The following MYO16 variants were observed in gnomAD, a reference collection of about 807,000 sequenced individuals.
MYO16 encodes the protein myosin XVI, also known as unconventional myosin-XVI.
A neutral mutation model predicts 205.3 loss-of-function variants in MYO16; 94 were observed. That is an observed-to-expected ratio of 0.46 (90% CI 0.39 to 0.54). The LOEUF (loss-of-function observed/expected upper bound fraction) is 0.54, where lower values mean the gene tolerates loss of function less well. Among genes scored for constraint, MYO16 ranks in the 20% least tolerant of loss-of-function variants. MYO16 has a pLI of 0.00. For missense variants in MYO16, 2,315 were observed against 2,387.5 expected (o/e 0.97, Z 0.63); for synonymous variants, 988 against 954.0 (o/e 1.04, Z -0.66).
chr13:109,129,404 C>T (rs903051016), intron 31 of MYO16, among the ~76,000 whole-genome samples: 3 of 152,000 alleles, frequency 2.0e-5, no homozygotes, highest in East Asian at 1.9e-4. Context: ...TGGACATTGA[C>T]GTGGGCTTAG....
chr13:108,994,532 G>C (rs1884941500), intron 21 of MYO16, among the ~76,000 whole-genome samples: 1 of 152,070 alleles, frequency 6.6e-6, no homozygotes, highest in South Asian at 2.1e-4. Flanking sequence ...ATACATTTTA[G>C]ATTTCTGTGT....
intron 1 of MYO16, among the ~76,000 whole-genome samples, chr13:108,654,078 A>G (rs1881134692): frequency 6.9e-6 from 1 of 145,090 alleles, no homozygotes; most frequent in African/African-American, 2.6e-5. Context: ...TAGGTCTCTC[A>G]GTGACTATGG....
chr13:108,538,961 T>C, the MYO16 span, among the ~76,000 whole-genome samples: 6 of 152,202 alleles, frequency 3.9e-5, no homozygotes, highest in East Asian at 7.7e-4. Flanking sequence ...CCCAACTGAA[T>C]AGTGTGTACC....
At chr13:109,072,370 T>A (rs12859091) in intron 27 of MYO16, among the ~76,000 whole-genome samples, 12,828 of 152,224 alleles carry the variant, frequency 0.084, 586 homozygotes, top group African/African-American at 0.11. Flanking sequence ...CTTATCTAGA[T>A]GCAAGCTGAG....
At chr13:108,949,099 G>A (rs1883045943) in intron 16 of MYO16, among the ~76,000 whole-genome samples, 1 of 152,170 alleles carries the variant, frequency 6.6e-6, no homozygotes, top group South Asian at 2.1e-4. Flanking sequence ...CTTGTCCAAA[G>A]CACAAGTCGA....
chr13:109,025,236 A>T (rs1456955619), intron 23 of MYO16, among the ~76,000 whole-genome samples: 1 of 152,186 alleles, frequency 6.6e-6, no homozygotes, highest in Non-Finnish European at 1.5e-5. Context: ...ATTGGCATCC[A>T]GCCCCACCTG....
At chr13:108,774,109 C>T (rs915893974) in intron 4 of MYO16, among the ~76,000 whole-genome samples, 11 of 151,652 alleles carry the variant, frequency 7.3e-5, no homozygotes, top group African/African-American at 2.4e-4. Flanking sequence ...AAATAAATAA[C>T]AATAAAATAA....
chr13:108,865,314 C>A (rs1159558687), intron 11 of MYO16, among the ~76,000 whole-genome samples: 1 of 152,006 alleles, frequency 6.6e-6, no homozygotes, highest in African/African-American at 2.4e-5. Context: ...TATGTTATTT[C>A]TTTATATATG....
At chr13:108,703,904 T>C (rs907013409) in intron 2 of MYO16, among the ~76,000 whole-genome samples, 3 of 152,110 alleles carry the variant, frequency 2.0e-5, no homozygotes, top group African/African-American at 7.2e-5. Context: ...AGGAGGCCAA[T>C]AAGTTAAAAA....
intron 2 of MYO16, among the ~76,000 whole-genome samples, chr13:108,698,225 G>T (rs977957857): frequency 8.5e-5 from 13 of 152,138 alleles, no homozygotes; most frequent in Non-Finnish European, 1.6e-4. Context: ...CCACTCAGTG[G>T]TATTCAGAGA....
intron 4 of MYO16, among the ~76,000 whole-genome samples, chr13:108,763,967 G>A (rs951472879): frequency 6.6e-6 from 1 of 152,112 alleles, no homozygotes; most frequent in Non-Finnish European, 1.5e-5. Flanking sequence ...AAAAAAGACC[G>A]ATAAACTCGA....
intron 10 of MYO16, among the ~76,000 whole-genome samples, chr13:108,845,445 C>A (rs1417534965): frequency 6.6e-6 from 1 of 152,012 alleles, no homozygotes; most frequent in Non-Finnish European, 1.5e-5. Flanking sequence ...GGTGCCTTCC[C>A]ACTGCTGTGT....
intron 4 of MYO16, among the ~76,000 whole-genome samples, chr13:108,778,628 A>G (rs572851347): frequency 1.3e-5 from 2 of 150,856 alleles, no homozygotes; most frequent in Admixed American, 1.3e-4. Context: ...AAAAAAATAT[A>G]TATTTTTTTT....
chr13:109,012,763 T>C (rs1050323342), intron 22 of MYO16, among the ~76,000 whole-genome samples: 1 of 123,648 alleles, frequency 8.1e-6, no homozygotes, highest in Non-Finnish European at 1.7e-5. Flanking sequence ...TTCAAATTGT[T>C]GTTATATGTG....
At chr13:108,995,395 C>G (rs773146358) in intron 21 of MYO16, among the ~76,000 whole-genome samples, 1 of 152,182 alleles carries the variant, frequency 6.6e-6, no homozygotes. Flanking sequence ...GGAACACATT[C>G]AGACCATAGC....
intron 3 of MYO16, among the ~76,000 whole-genome samples, chr13:108,715,906 A>G (rs1233714520): frequency 2.6e-5 from 4 of 152,188 alleles, no homozygotes; most frequent in African/African-American, 9.6e-5. Context: ...AATTAATGGA[A>G]TATGTGGCTT....
chr13:108,638,994 C>A (rs537587733), intron 1 of MYO16, among the ~76,000 whole-genome samples: 1 of 152,050 alleles, frequency 6.6e-6, no homozygotes, highest in Non-Finnish European at 1.5e-5. Flanking sequence ...CTGCGTAGTG[C>A]GTTCAAAGCA....
chr13:108,569,960 T>C, the MYO16 span, among the ~76,000 whole-genome samples: 6 of 152,230 alleles, frequency 3.9e-5, no homozygotes, highest in African/African-American at 1.4e-4. Flanking sequence ...TTAAACAAAT[T>C]TCACATTCCT....
At chr13:108,500,784 C>G in the MYO16 span, among the ~76,000 whole-genome samples, 2 of 152,086 alleles carry the variant, frequency 1.3e-5, no homozygotes, top group Admixed American at 1.3e-4. Context: ...ATCTTAAATG[C>G]AAATTTAGCC....
Sources: allele counts gnomAD v4.1 joint callset (sites outside exome capture counted in the v4.1 genomes callset), GRCh38; gene constraint gnomAD v4.1.1; transcripts MANE v1.5; gene names NCBI Gene and HGNC (gene_info 2026-07-23, HGNC 2026-07-21).